MYO6: variants seen among roughly 807,000 people sequenced by gnomAD.
MYO6 encodes the protein unconventional myosin-VI.
MYO6 carries 74 observed loss-of-function variants against 178.7 expected under a neutral mutation model. That is an observed-to-expected ratio of 0.41 (90% CI 0.34 to 0.50). The LOEUF (loss-of-function observed/expected upper bound fraction) is 0.50, where lower values mean the gene tolerates loss of function less well. MYO6 is among the 20% of genes least tolerant of loss of function. The pLI is 0.09. For missense variants in MYO6, 1,330 were observed against 1,547.4 expected (o/e 0.86, Z 2.36); for synonymous variants, 477 against 504.6 (o/e 0.95, Z 0.73).
In MYO6 at chr6:75,836,350, G is replaced by A. The variant is rs367688944; in HGVS notation, c.553+394G>A. ...TTTTTTAGAGAAGTCATTTTTTAAC[G>A]AAGGCCGTAGTGTGTAAATTGATTT... On this transcript the variant is annotated intron_variant, in intron 7 of 34. Transcript: ENST00000369977. Among the ~76,000 whole-genome samples the A allele has an allele frequency of 3.5e-4, 53 of 152,230 alleles. 1 individual carries two copies. In the South Asian group the frequency reaches 8.9e-3, roughly 26 times the overall value.
At chr6:75,828,675 G>T in intron 4 of MYO6, 62 bp downstream of exon 4, 1 of 1,060,450 alleles carries the variant, frequency 9.4e-7, no homozygotes, top group South Asian at 1.3e-5. Flanking sequence ...GGTACTCTTT[G>T]ATTTTGTCAC....
chr6:75,806,448 A>C (rs1305431421), intron 1 of MYO6, among the ~76,000 whole-genome samples: 2 of 147,236 alleles, frequency 1.4e-5, no homozygotes, highest in Non-Finnish European at 2.9e-5. Context: ...TTCCAGGCAG[A>C]AGTACATCAT....
intron 1 of MYO6, among the ~76,000 whole-genome samples, chr6:75,783,132 G>T (rs554354152): frequency 6.6e-6 from 1 of 152,030 alleles, no homozygotes; most frequent in South Asian, 2.1e-4. Context: ...GCCCAAGCTG[G>T]TCTTGAACTC....
intron 1 of MYO6, among the ~76,000 whole-genome samples, chr6:75,779,254 C>T (rs1766717821): frequency 6.6e-6 from 1 of 151,980 alleles, no homozygotes; most frequent in South Asian, 2.1e-4. Context: ...ATAATCCTAG[C>T]ACTTTGGGAC....
At chr6:75,783,223 A>G (rs1477581258) in intron 1 of MYO6, among the ~76,000 whole-genome samples, 1 of 152,016 alleles carries the variant, frequency 6.6e-6, no homozygotes, top group Non-Finnish European at 1.5e-5. Flanking sequence ...GGCCTCCCAG[A>G]TAGATTTTTA....
intron 11 of MYO6, among the ~76,000 whole-genome samples, 165 bp from the exon 12 acceptor site, chr6:75,854,974 G>A (rs891391520): frequency 7.9e-5 from 12 of 152,108 alleles, no homozygotes; most frequent in African/African-American, 2.9e-4. Flanking sequence ...TAGCAGTACG[G>A]GTGTTTGACA....
intron 20 of MYO6, among the ~76,000 whole-genome samples, chr6:75,875,916 C>T (rs1777535464): frequency 6.6e-6 from 1 of 152,194 alleles, no homozygotes; most frequent in Admixed American, 6.5e-5. Context: ...CTAATGGCTT[C>T]AGATGAGTAT....
chr6:75,769,199 T>A (rs549755139), intron 1 of MYO6, among the ~76,000 whole-genome samples: 11 of 152,164 alleles, frequency 7.2e-5, no homozygotes, highest in Non-Finnish European at 1.5e-4. Context: ...GGAGCAAATG[T>A]CCAAACCATA....
At chr6:75,834,373 A>C (rs1343887312) in intron 6 of MYO6, among the ~76,000 whole-genome samples, 1 of 151,908 alleles carries the variant, frequency 6.6e-6, no homozygotes, top group African/African-American at 2.4e-5. Flanking sequence ...ACTGGGACCC[A>C]CAGGCATGTG....
intron 13 of MYO6, among the ~76,000 whole-genome samples, chr6:75,858,531 G>A (rs368383901): frequency 1.3e-4 from 20 of 152,230 alleles, no homozygotes; most frequent in Middle Eastern, 6.8e-3. Context: ...ACTTGAACCC[G>A]GGGGCGGAGG....
rs551832371 is a variant in MYO6 at position 75,902,989 on chromosome 6, T to C, written c.3176+4578T>C. On this transcript the variant is annotated intron_variant, in intron 30 of 34. Coordinates refer to ENST00000369977, the MANE Select transcript of MYO6 (RefSeq NM_004999.4). Reference sequence around the variant, plus strand: ...TGCCTTCATTTTGTTATGTACCCAGTAGTCATTCAGGAGCAGGTTGTTCAG... The same window carrying C: ...TGCCTTCATTTTGTTATGTACCCAGCAGTCATTCAGGAGCAGGTTGTTCAG... Among the ~76,000 whole-genome samples the C allele has an allele frequency of 3.6e-3, 551 of 151,978 alleles. 1 individual carries two copies. The highest frequency in any genetic ancestry group is 6.8e-3 in the Middle Eastern group (2 of 294).
intron 1 of MYO6, among the ~76,000 whole-genome samples, chr6:75,769,895 G>C (rs112274964): frequency 8.2e-4 from 125 of 151,818 alleles, no homozygotes; most frequent in African/African-American, 2.9e-3. Flanking sequence ...GTGAGACTCT[G>C]TCTCAAAGGA....
At chr6:75,805,294 A>C (rs953685371) in intron 1 of MYO6, among the ~76,000 whole-genome samples, 1 of 151,982 alleles carries the variant, frequency 6.6e-6, no homozygotes, top group Non-Finnish European at 1.5e-5. Context: ...TGCGAGCCAC[A>C]GTGCCCGGCC....
At chr6:75,910,574 A>C (rs1206792113) in intron 32 of MYO6, among the ~76,000 whole-genome samples, 1 of 152,194 alleles carries the variant, frequency 6.6e-6, no homozygotes, top group East Asian at 1.9e-4. Flanking sequence ...TTTATGGACA[A>C]ATTTAGGAAT....
chr6:75,887,653 AATG>A, intron 25 of MYO6, among the ~76,000 whole-genome samples: 1 of 146,528 alleles, frequency 6.8e-6, no homozygotes, highest in Middle Eastern at 3.6e-3. Context: ...AAAAAAAAAA[AATG>A]AAAAAAGAAA....
chr6:75,893,346 CATTA>C (rs946907420), intron 28 of MYO6, among the ~76,000 whole-genome samples: 5 of 151,974 alleles, frequency 3.3e-5, no homozygotes, highest in African/African-American at 9.7e-5. Context: ...TATGTAGAGG[CATTA>C]ATTATTTTGA....
At chr6:75,765,198 A>G (rs1778308800) in intron 1 of MYO6, among the ~76,000 whole-genome samples, 1 of 94,984 alleles carries the variant, frequency 1.1e-5, no homozygotes, top group South Asian at 4.1e-4. Context: ...TTTTTTTGAG[A>G]CAGAGTCTTG....
chr6:75,860,823 A>G (rs1776136444), intron 14 of MYO6, among the ~76,000 whole-genome samples, 200 bp from the exon 15 acceptor site: 1 of 152,204 alleles, frequency 6.6e-6, no homozygotes, highest in Non-Finnish European at 1.5e-5. Context: ...GCCCATTTGC[A>G]GTTAATTGCT....
Position 75,841,274 on chromosome 6 carries a change from C to T in MYO6, c.712C>T (p.Gln238Ter), listed in dbSNP as rs1339944915. 1 of 1,613,808 alleles carries T rather than the reference C, an allele frequency of 6.2e-7. No homozygotes were observed. Among genetic ancestry groups the T allele is most frequent in the Non-Finnish European group, 8.5e-7 (1 of 1,179,888 alleles). The change falls in exon 9 of 35, where the codon CAA (glutamine) becomes TAA (stop). Residue 238 changes from glutamine (Q) to a stop codon, truncating the protein, a stop_gained. Transcript: ENST00000369977. LOFTEE classifies it high-confidence loss of function. Reference sequence around the variant, plus strand: ...CCTAGAGAAATCTAGGATCTGTGTTCAAGGCAAAGAGGAAAGAAATTATCA... The same window carrying T: ...CCTAGAGAAATCTAGGATCTGTGTTTAAGGCAAAGAGGAAAGAAATTATCA... The part of the protein sequence containing the change: ...YLLEKSRICV[Q>*]GKEERNYHIF...
Sources: gnomAD v4.1 joint callset for allele counts (sites outside exome capture counted in the v4.1 genomes callset) on GRCh38, gnomAD v4.1.1 for gene constraint, MANE v1.5 for transcripts, NCBI Gene and HGNC (gene_info 2026-07-23, HGNC 2026-07-21) for gene names.